The following DNM3 variants were observed in gnomAD, a reference collection of about 807,000 sequenced individuals.
The protein encoded by DNM3 is dynamin-3.
A neutral mutation model predicts 101.6 loss-of-function variants in DNM3; 47 were observed. That is an observed-to-expected ratio of 0.46 (90% CI 0.37 to 0.59). DNM3 has a LOEUF of 0.59. Among genes scored for constraint, DNM3 ranks in the 20% least tolerant of loss-of-function variants. The pLI, the probability that DNM3 is intolerant of heterozygous loss-of-function variation, is 0.00. For missense variants in DNM3, 849 were observed against 1,085.7 expected (o/e 0.78, Z 3.06); for synonymous variants, 385 against 387.9 (o/e 0.99, Z 0.09).
chr1:172,379,769 TG>T (rs1384193134), intron 18 of DNM3, among the ~76,000 whole-genome samples: 1 of 151,982 alleles, frequency 6.6e-6, no homozygotes, highest in Non-Finnish European at 1.5e-5. Flanking sequence ...TAGCCATCAA[TG>T]GGTCTAAATA....
rs188181959 is a variant in DNM3 at position 172,259,336 on chromosome 1, A to G, written c.1769+5654A>G. ...AGTCTAGATGATCTGTCTTATGCTT[A>G]GAGTGGAGTGTAGAAGTCCCAACTA... On this transcript the variant is annotated intron_variant, in intron 15 of 20. Coordinates refer to ENST00000627582, the MANE Select transcript of DNM3 (RefSeq NM_015569.5). Among the ~76,000 whole-genome samples the G allele has an allele frequency of 7.9e-5, 12 of 152,212 alleles. No homozygotes were observed. The East Asian group carries it at 1.7e-3, about 22-fold the overall frequency.
At chr1:171,866,933 C>T (rs2125067415) in intron 1 of DNM3, among the ~76,000 whole-genome samples, 1 of 152,294 alleles carries the variant, frequency 6.6e-6, no homozygotes, top group Non-Finnish European at 1.5e-5. Context: ...TCAAAGCAGT[C>T]ACACTCAGTT....
At chr1:172,226,811 C>T (rs1289924865) in intron 14 of DNM3, among the ~76,000 whole-genome samples, 1 of 151,914 alleles carries the variant, frequency 6.6e-6, no homozygotes, top group East Asian at 1.9e-4. Context: ...CATATATGTC[C>T]ATTTGTGAAA....
At chr1:171,841,873 C>T in intron 1 of DNM3, 56 bp downstream of exon 1, 2 of 1,557,802 alleles carry the variant, frequency 1.3e-6, no homozygotes, top group Non-Finnish European at 8.6e-7. Context: ...CCGCTGCGGG[C>T]CGTTGGAACG....
intron 13 of DNM3, among the ~76,000 whole-genome samples, chr1:172,101,608 A>G (rs1572513360): frequency 6.6e-6 from 1 of 152,186 alleles, no homozygotes; most frequent in African/African-American, 2.4e-5. Flanking sequence ...CAACAACTCT[A>G]TGAGGTAGGT....
chr1:172,131,460 A>G (rs2056931585), intron 14 of DNM3, among the ~76,000 whole-genome samples, 172 bp downstream of exon 14: 1 of 152,184 alleles, frequency 6.6e-6, no homozygotes, highest in Non-Finnish European at 1.5e-5. Context: ...TTTAAAGTTT[A>G]CAATATTCGC....
chr1:171,983,445 C>T (rs183082312), intron 2 of DNM3, among the ~76,000 whole-genome samples: 2 of 107,882 alleles, frequency 1.9e-5, no homozygotes, highest in Admixed American at 1.6e-4. Flanking sequence ...ATTCTAAGAT[C>T]CATTCTTAGT....
chr1:172,190,608 T>C (rs1050874401), intron 14 of DNM3, among the ~76,000 whole-genome samples: 5 of 152,208 alleles, frequency 3.3e-5, no homozygotes, highest in African/African-American at 1.2e-4. Flanking sequence ...TCCACAATGG[T>C]TAAACTAGTG....
chr1:172,083,656 A>G (rs1229630288), intron 12 of DNM3, among the ~76,000 whole-genome samples: 1 of 152,204 alleles, frequency 6.6e-6, no homozygotes, highest in Non-Finnish European at 1.5e-5. Context: ...CATATTATAT[A>G]ACCCGTGCTT....
At chr1:171,973,820 T>C (rs1016851863) in intron 2 of DNM3, among the ~76,000 whole-genome samples, 6 of 152,032 alleles carry the variant, frequency 3.9e-5, no homozygotes, top group African/African-American at 1.2e-4. Context: ...TGTGCCATTA[T>C]GCCTGGCTAA....
At chr1:172,216,376 C>G (rs1557829084) in intron 14 of DNM3, among the ~76,000 whole-genome samples, 3 of 152,052 alleles carry the variant, frequency 2.0e-5, no homozygotes, top group Admixed American at 2.0e-4. Context: ...GATTACACTG[C>G]CCATTAACCA....
chr1:171,911,224 A>G (rs1219700751), intron 1 of DNM3, among the ~76,000 whole-genome samples: 1 of 150,724 alleles, frequency 6.6e-6, no homozygotes, highest in East Asian at 1.9e-4. Context: ...GGAGAAAGCA[A>G]CCTACACTTT....
chr1:171,969,610 A>C (rs936805417), intron 2 of DNM3, among the ~76,000 whole-genome samples: 2 of 152,160 alleles, frequency 1.3e-5, no homozygotes, highest in African/African-American at 4.8e-5. Context: ...TTGATAAAGA[A>C]GCTTTCTTGG....
intron 15 of DNM3, among the ~76,000 whole-genome samples, chr1:172,258,646 GATTA>G (rs1372061648): frequency 6.6e-6 from 1 of 151,870 alleles, no homozygotes; most frequent in African/African-American, 2.4e-5. Flanking sequence ...CTGTCTTCCT[GATTA>G]GTCTTACGAT....
At position 172,409,074 on chromosome 1, in the gene DNM3, C is replaced by A; in HGVS notation, c.*1233C>A. ...TCTAAAATTTACCAGAACAGTTTAG[C>A]CTGGGGGTTAATAGTTAAGTCTTGA... On this transcript the variant is annotated 3_prime_UTR_variant, in exon 21 of 21. Transcript: ENST00000627582. 6.1e-6 allele frequency: 6 copies of A among 985,274 alleles called. No homozygotes were observed. Among genetic ancestry groups the A allele is most frequent in the Non-Finnish European group, 7.2e-6 (6 of 829,876 alleles). The allele number at this position is 985,274 out of a possible 1,614,324, so 61.0% of individuals were successfully genotyped here.
chr1:172,331,598 G>T (rs1353258935), intron 17 of DNM3, among the ~76,000 whole-genome samples: 1 of 152,108 alleles, frequency 6.6e-6, no homozygotes, highest in Non-Finnish European at 1.5e-5. Context: ...GACACCTCCA[G>T]TGAAACAAGA....
intron 20 of DNM3, among the ~76,000 whole-genome samples, chr1:172,391,729 T>A (rs2069545623): frequency 6.6e-6 from 1 of 152,110 alleles, no homozygotes; most frequent in South Asian, 2.1e-4. Context: ...TTTTTCAAGT[T>A]TTTTACTTTC....
chr1:172,194,683 C>A lies in DNM3; in HGVS notation c.1660-58890C>A, dbSNP rs929098281. On this transcript the variant is annotated intron_variant, in intron 14 of 20. Transcript: ENST00000627582. Reference sequence around the variant, plus strand: ...CTTTATCAGAGACTAGGATTGCAACCCCTACTTTTTTTTTATTTTCCATTT... The same window carrying A: ...CTTTATCAGAGACTAGGATTGCAACACCTACTTTTTTTTTATTTTCCATTT... Among the ~76,000 whole-genome samples the A allele has an allele frequency of 5.9e-5, 9 of 151,994 alleles. No individual in the cohort carries two copies. In the East Asian group the frequency reaches 1.7e-3, roughly 29 times the overall value.
intron 2 of DNM3, among the ~76,000 whole-genome samples, chr1:171,951,288 AG>A (rs911691907): frequency 7.2e-5 from 11 of 152,186 alleles, no homozygotes; most frequent in Non-Finnish European, 1.5e-5. Flanking sequence ...AAGGTAGGGA[AG>A]ATGCAAATCT....
Sources: gnomAD v4.1 joint callset for allele counts (sites outside exome capture counted in the v4.1 genomes callset) on GRCh38, gnomAD v4.1.1 for gene constraint, MANE v1.5 for transcripts, NCBI Gene and HGNC (gene_info 2026-07-23, HGNC 2026-07-21) for gene names.